DENND2B: variants seen among roughly 807,000 people sequenced by gnomAD.
The protein encoded by DENND2B is DENN domain-containing protein 2B.
Under a neutral mutation model 116.0 loss-of-function variants are expected in DENND2B, and 32 were observed. The observed-to-expected ratio is 0.28, with a 90% confidence interval of 0.21 to 0.37. The LOEUF (loss-of-function observed/expected upper bound fraction) is 0.37, where lower values mean the gene tolerates loss of function less well. Ranked by LOEUF, DENND2B falls within the 10% of genes least tolerant of loss-of-function variation. The pLI, the probability that DENND2B is intolerant of heterozygous loss-of-function variation, is 1.00. For synonymous variants in DENND2B, 588 were observed against 583.9 expected (o/e 1.01, Z -0.10); for missense variants, 1,276 against 1,477.7 (o/e 0.86, Z 2.24).
At chr11:8,863,702 A>G (rs925631079) in intron 2 of DENND2B, among the ~76,000 whole-genome samples, 2 of 152,146 alleles carry the variant, frequency 1.3e-5, no homozygotes, top group Non-Finnish European at 2.9e-5. Flanking sequence ...CTTTGACCTT[A>G]AGTGCCATTT....
At chr11:8,815,615 C>A (rs1169750432), upstream of DENND2B, among the ~76,000 whole-genome samples, 2 of 152,188 alleles carry the variant, frequency 1.3e-5, no homozygotes, top group Non-Finnish European at 2.9e-5. Flanking sequence ...CTTCAAGGTC[C>A]AACTCATTTA....
In DENND2B at chr11:8,707,353, C is replaced by A; in HGVS notation, c.2431-128G>T. ...AGAAGCTGGGAGACGGGAAGGTGGT[C>A]TTGCCATGATCTGCACACTCTACCC... is the stretch of plus-strand genomic sequence containing the variant. On this transcript the variant is annotated intron_variant, in intron 12 of 19. Coordinates refer to ENST00000313726, the MANE Select transcript of DENND2B (RefSeq NM_213618.2). This position sits in a 1 kb window ranked among gnomAD's most constrained non-coding sequence, Gnocchi z 4.8. 7.9e-7 allele frequency: 1 copy of A among 1,273,002 alleles called. No homozygotes were observed. The highest frequency in any genetic ancestry group is 1.1e-6 in the Non-Finnish European group (1 of 941,722). The allele number at this position is 1,273,002 out of a possible 1,614,324, so 78.9% of individuals were successfully genotyped here.
chr11:8,807,135 T>C (rs1388819418), intron 1 of DENND2B, among the ~76,000 whole-genome samples: 1 of 152,156 alleles, frequency 6.6e-6, no homozygotes, highest in Non-Finnish European at 1.5e-5. Context: ...CAGCCTCAAC[T>C]ATGTGTTCCC....
At chr11:8,849,490 C>CAAAAAAAA (rs35966963) in intron 3 of DENND2B, among the ~76,000 whole-genome samples, 1 of 63,568 alleles carries the variant, frequency 1.6e-5, no homozygotes, top group Non-Finnish European at 3.0e-5. Context: ...TAGACTGTCT[C>CAAAAAAAA]AAAAAAAAAA....
rs768475166 is a variant in DENND2B, at chr11:8,699,206, G to T, written c.2898+7C>A. On this transcript the variant is annotated splice_region_variant and intron_variant, in intron 15 of 19. Coordinates refer to ENST00000313726, the MANE Select transcript of DENND2B (RefSeq NM_213618.2). ...CTTCCCCCCAGCTGGTTCCCCCGGT[G>T]GCCCACCTCCTCCACAGGCAGCTCC... is the stretch of plus-strand genomic sequence containing the variant. 7.7e-6 allele frequency: 12 copies of T among 1,551,788 alleles called. No homozygotes were observed. Among genetic ancestry groups the T allele is most frequent in the Non-Finnish European group, 9.5e-6 (11 of 1,154,364 alleles).
chr11:8,875,741 TA>T (rs1191750553), upstream of DENND2B, among the ~76,000 whole-genome samples: 1 of 151,918 alleles, frequency 6.6e-6, no homozygotes, highest in Non-Finnish European at 1.5e-5. Context: ...CATTTTGACC[TA>T]AAAAAAATTT....
At chr11:8,793,728 G>A (rs910818521) in intron 1 of DENND2B, among the ~76,000 whole-genome samples, 2 of 152,194 alleles carry the variant, frequency 1.3e-5, no homozygotes, top group Admixed American at 6.5e-5. Context: ...CATATACCTA[G>A]GAGTGGAATT....
intron 1 of DENND2B, among the ~76,000 whole-genome samples, chr11:8,795,135 T>C (rs1384591568): frequency 6.6e-6 from 1 of 152,204 alleles, no homozygotes; most frequent in Non-Finnish European, 1.5e-5. Flanking sequence ...CAGACAAGCA[T>C]CTGTTTAAAG....
At chr11:8,823,903 C>CTTT (rs71059183) in intron 4 of DENND2B, among the ~76,000 whole-genome samples, 6 of 123,056 alleles carry the variant, frequency 4.9e-5, no homozygotes, top group African/African-American at 1.5e-4. Flanking sequence ...TCTTCTTCTT[C>CTTT]TTTTTTTTTT....
intron 2 of DENND2B, among the ~76,000 whole-genome samples, chr11:8,862,546 G>A (rs578253162): frequency 2.0e-5 from 3 of 151,874 alleles, no homozygotes; most frequent in Admixed American, 6.6e-5. Context: ...TGTTGCCCAG[G>A]CTGGTCTCAA....
chr11:8,787,871 G>T (rs1008543161), intron 1 of DENND2B, among the ~76,000 whole-genome samples: 3 of 152,122 alleles, frequency 2.0e-5, no homozygotes, highest in African/African-American at 7.2e-5. Flanking sequence ...ACGACTTTTT[G>T]AAATCAAAGC....
Position 8,729,935 on chromosome 11 carries a change from A to AG in DENND2B, c.1340+14dup. ...ACGGTATTCAGCTACAACACACCGG[A>AG]GGGGCATGCATTACCTGCTCTGGGA... On this transcript the variant is annotated intron_variant, in intron 3 of 19. Coordinates refer to ENST00000313726, the MANE Select transcript of DENND2B (RefSeq NM_213618.2). The AG allele has an allele frequency of 6.2e-7, 1 of 1,612,722 alleles. No individual in the cohort carries two copies. The highest frequency in any genetic ancestry group is 1.3e-5 in the African/African-American group (1 of 75,028).
intron 1 of DENND2B, among the ~76,000 whole-genome samples, chr11:8,791,038 T>G (rs1216612728): frequency 1.3e-5 from 2 of 152,144 alleles, no homozygotes; most frequent in Non-Finnish European, 2.9e-5. Context: ...TCAAAAACCT[T>G]CCTGAATCTG....
chr11:8,870,666 C>G (rs2063751061), intron 2 of DENND2B, among the ~76,000 whole-genome samples: 1 of 152,020 alleles, frequency 6.6e-6, no homozygotes, highest in Non-Finnish European at 1.5e-5. Flanking sequence ...CTCCGCTCGG[C>G]ACCAGGCAGC....
At chr11:8,762,227 G>A (rs1209201715) in intron 1 of DENND2B, among the ~76,000 whole-genome samples, 1 of 152,028 alleles carries the variant, frequency 6.6e-6, no homozygotes, top group African/African-American at 2.4e-5. Flanking sequence ...TATAACTCTG[G>A]CCCCATTTCA....
At chr11:8,825,717 A>G (rs1322560280) in intron 4 of DENND2B, among the ~76,000 whole-genome samples, 1 of 152,144 alleles carries the variant, frequency 6.6e-6, no homozygotes, top group Non-Finnish European at 1.5e-5. Context: ...TGAAATTTTT[A>G]AAGGGTAAAA....
intron 11 of DENND2B, among the ~76,000 whole-genome samples, chr11:8,709,487 G>A (rs537645957): frequency 3.9e-5 from 6 of 152,274 alleles, no homozygotes; most frequent in South Asian, 4.1e-4. Context: ...GGCAGCCTTC[G>A]CAACACTCCT....
intron 18 of DENND2B, chr11:8,695,997 C>T: frequency 8.1e-6 from 2 of 247,100 alleles, no homozygotes; most frequent in Non-Finnish European, 1.6e-5. Flanking sequence ...TAGCAAAAAA[C>T]AAGATAACCA....
chr11:8,753,792 C>T (rs754936875), intron 1 of DENND2B, among the ~76,000 whole-genome samples: 5 of 152,054 alleles, frequency 3.3e-5, no homozygotes, highest in Non-Finnish European at 5.9e-5. Context: ...GATGCCAAGA[C>T]AATTCATGGG....
Sources: gnomAD v4.1 joint callset for allele counts (sites outside exome capture counted in the v4.1 genomes callset) on GRCh38, gnomAD v4.1.1 for gene constraint, Gnocchi (gnomAD v3.1) non-coding constraint, MANE v1.5 for transcripts, NCBI Gene and HGNC (gene_info 2026-07-23, HGNC 2026-07-21) for gene names.